Variants in PLEKHA2 observed in about 807,000 individuals in gnomAD.
PLEKHA2 encodes the protein pleckstrin homology domain-containing family A member 2.
Under a neutral mutation model 53.2 loss-of-function variants are expected in PLEKHA2, and 28 were observed. The observed-to-expected ratio is 0.53, with a 90% CI of 0.39 to 0.72. The LOEUF (loss-of-function observed/expected upper bound fraction) is 0.72. Among genes scored for constraint, PLEKHA2 ranks in the 30% least tolerant of loss-of-function variants. PLEKHA2 has a pLI of 0.00. For synonymous variants in PLEKHA2, 193 were observed against 196.4 expected (o/e 0.98, Z 0.14); for missense variants, 426 against 537.9 (o/e 0.79, Z 2.06).
chr8:38,912,551 C>G (rs1413022702), intron 1 of PLEKHA2, among the ~76,000 whole-genome samples: 1 of 152,170 alleles, frequency 6.6e-6, no homozygotes, highest in African/African-American at 2.4e-5. Context: ...AACTTCCACA[C>G]AGGCCTCTGT....
In PLEKHA2 at chr8:38,916,300, C is replaced by G. The variant is rs142177378; in HGVS notation, c.-23-1607C>G. Among the ~76,000 whole-genome samples the G allele has an allele frequency of 1.7e-3, 262 of 152,224 alleles. 1 individual carries two copies. The highest frequency in any genetic ancestry group is 6.1e-3 in the African/African-American group (253 of 41,530). On this transcript the variant is annotated intron_variant, in intron 1 of 11. Transcript: ENST00000617275. ...CCTCTTTTAGTTATTTTAAAATGTGCAATTAAATTATTATTGACTATAGTT... is the reference window on the plus strand; with the variant it reads ...CCTCTTTTAGTTATTTTAAAATGTGGAATTAAATTATTATTGACTATAGTT...
intron 4 of PLEKHA2, among the ~76,000 whole-genome samples, chr8:38,944,644 A>G (rs1239459038): frequency 1.3e-5 from 2 of 152,198 alleles, no homozygotes; most frequent in Non-Finnish European, 2.9e-5. Flanking sequence ...ACACAACAGC[A>G]TGGGGGATGG....
At chr8:38,927,585 G>C (rs946037879) in intron 2 of PLEKHA2, among the ~76,000 whole-genome samples, 1 of 152,096 alleles carries the variant, frequency 6.6e-6, no homozygotes, top group Non-Finnish European at 1.5e-5. Context: ...GTTTGGGGGA[G>C]GGGTTCATAT....
intron 11 of PLEKHA2, 132 bp downstream of exon 11, chr8:38,968,801 T>C: frequency 1.2e-6 from 1 of 819,990 alleles, no homozygotes; most frequent in Non-Finnish European, 1.9e-6. Flanking sequence ...CTGTCTTGCT[T>C]GTTTTTCTCA....
intron 3 of PLEKHA2, among the ~76,000 whole-genome samples, chr8:38,943,083 C>T (rs79358350): frequency 0.064 from 9,699 of 152,018 alleles, 410 homozygotes; most frequent in East Asian, 0.18. Context: ...GCTTGGAGAA[C>T]GATTTAGGGA....
chr8:38,961,317 A>T (rs925171945), intron 10 of PLEKHA2, among the ~76,000 whole-genome samples: 1 of 152,164 alleles, frequency 6.6e-6, no homozygotes, highest in South Asian at 2.1e-4. Context: ...GCAGTGGATC[A>T]TCTGAGGTCA....
At chr8:38,968,869 A>G in intron 11 of PLEKHA2, 200 bp downstream of exon 11, 1 of 513,606 alleles carries the variant, frequency 1.9e-6, no homozygotes, top group Non-Finnish European at 3.5e-6. Context: ...GGAGGAGGTG[A>G]GGTAGGGTTA....
intron 11 of PLEKHA2, chr8:38,969,118 C>G: frequency 2.6e-6 from 1 of 377,474 alleles, no homozygotes; most frequent in Non-Finnish European, 4.8e-6. Context: ...CTAGGCTGAT[C>G]TCAAACTCCT....
chr8:38,953,860 G>A (rs1834889347), intron 9 of PLEKHA2, among the ~76,000 whole-genome samples: 1 of 152,136 alleles, frequency 6.6e-6, no homozygotes, highest in East Asian at 1.9e-4. Flanking sequence ...GCATCTCTGT[G>A]TTACTCCCAC....
intron 3 of PLEKHA2, among the ~76,000 whole-genome samples, chr8:38,936,369 C>G (rs1206985870): frequency 6.6e-6 from 1 of 152,158 alleles, no homozygotes. Flanking sequence ...GATCCATGAC[C>G]TTTTTTTGTA....
intron 4 of PLEKHA2, among the ~76,000 whole-genome samples, chr8:38,944,881 T>G (rs1228658034): frequency 2.0e-5 from 3 of 152,254 alleles, no homozygotes; most frequent in South Asian, 4.1e-4. Context: ...ACAAGGCAGG[T>G]GCAAAATGTC....
At chr8:38,966,301 G>T (rs1835134268) in intron 10 of PLEKHA2, among the ~76,000 whole-genome samples, 1 of 151,618 alleles carries the variant, frequency 6.6e-6, no homozygotes, top group Non-Finnish European at 1.5e-5. Flanking sequence ...GGGTCACTTT[G>T]GGGATGGGGG....
chr8:38,938,772 T>G (rs978663525), intron 3 of PLEKHA2, among the ~76,000 whole-genome samples: 1 of 152,304 alleles, frequency 6.6e-6, no homozygotes, highest in African/African-American at 2.4e-5. Context: ...ATGGCTGCAC[T>G]TTGGTGGCCT....
At position 38,966,903 on chromosome 8, in the gene PLEKHA2, G is replaced by A. The variant is rs555866398; in HGVS notation, c.838-1689G>A. 1.6e-3 allele frequency among the ~76,000 whole-genome samples: 246 copies of A among 151,934 alleles called. 1 individual carries two copies. Among genetic ancestry groups the A allele is most frequent in the African/African-American group, 5.8e-3 (239 of 41,418 alleles). ...GCTGTAACCATCACCTGAGTATTGT[G>A]CATCGTACGCATCAAGTAATTTCTC... On this transcript the variant is annotated intron_variant, in intron 10 of 11. Coordinates refer to ENST00000617275, the MANE Select transcript of PLEKHA2 (RefSeq NM_021623.2).
intron 3 of PLEKHA2, among the ~76,000 whole-genome samples, chr8:38,940,180 C>T (rs887629676): frequency 4.6e-5 from 7 of 151,734 alleles, no homozygotes; most frequent in Admixed American, 1.3e-4. Flanking sequence ...GGTGGATCAC[C>T]TGAGGTCAGG....
chr8:38,905,435 G>A (rs781644954), intron 1 of PLEKHA2, among the ~76,000 whole-genome samples: 2 of 148,614 alleles, frequency 1.3e-5, no homozygotes, highest in Admixed American at 6.9e-5. Context: ...TCCAGCCTGG[G>A]CACCAGAGCG....
chr8:38,963,483 G>A (rs1196242831), intron 10 of PLEKHA2, among the ~76,000 whole-genome samples: 2 of 152,064 alleles, frequency 1.3e-5, no homozygotes, highest in East Asian at 1.9e-4. Context: ...CAGGCTTTCC[G>A]TAAAAATAGA....
At chr8:38,913,925 G>A (rs1453530790) in intron 1 of PLEKHA2, among the ~76,000 whole-genome samples, 1 of 152,164 alleles carries the variant, frequency 6.6e-6, no homozygotes, top group Non-Finnish European at 1.5e-5. Context: ...AGCTTTGTTG[G>A]AGGAGGCCCT....
chr8:38,963,452 G>A (rs943800755), intron 10 of PLEKHA2, among the ~76,000 whole-genome samples: 5 of 152,162 alleles, frequency 3.3e-5, no homozygotes, highest in East Asian at 1.9e-4. Context: ...GTGGTTTTAC[G>A]ATTTTGATGA....
Sources: gnomAD v4.1 joint callset for allele counts (sites outside exome capture counted in the v4.1 genomes callset) on GRCh38, gnomAD v4.1.1 for gene constraint, MANE v1.5 for transcripts, NCBI Gene and HGNC (gene_info 2026-07-23, HGNC 2026-07-21) for gene names.